FNBP1L: variants seen among roughly 807,000 people sequenced by gnomAD.
FNBP1L encodes the protein formin-binding protein 1-like.
FNBP1L carries 36 observed loss-of-function variants against 91.2 expected under a neutral mutation model. The ratio of observed to expected loss-of-function variants is 0.39; its 90% CI spans 0.30 to 0.52. The LOEUF (loss-of-function observed/expected upper bound fraction) is 0.52, where lower values mean the gene tolerates loss of function less well. FNBP1L is among the 20% of genes least tolerant of loss of function. The pLI is 0.66. For missense variants in FNBP1L, 571 were observed against 732.1 expected, an observed-to-expected ratio of 0.78 and a Z score of 2.54; for synonymous variants, 242 against 237.0, an observed-to-expected ratio of 1.02 and a Z score of -0.19.
chr1:93,524,434 A>T, intron 5 of FNBP1L, 111 bp downstream of exon 5: 1 of 689,286 alleles, frequency 1.5e-6, no homozygotes, highest in Non-Finnish European at 2.2e-6. Flanking sequence ...TGTATTATTA[A>T]TAATTTGACA....
chr1:93,495,642 T>A (rs1364714207), intron 1 of FNBP1L, among the ~76,000 whole-genome samples: 2 of 152,240 alleles, frequency 1.3e-5, no homozygotes, highest in Non-Finnish European at 2.9e-5. Flanking sequence ...TCTGGCTGTT[T>A]CAAATTTGTT....
chr1:93,465,192 T>C (rs1168490022), intron 1 of FNBP1L, among the ~76,000 whole-genome samples: 1 of 18,322 alleles, frequency 5.5e-5, no homozygotes, highest in East Asian at 2.0e-3. Flanking sequence ...TGTCTCTTTT[T>C]TGGGGGGGGG....
chr1:93,511,882 C>T (rs1260742418), intron 2 of FNBP1L, among the ~76,000 whole-genome samples: 5 of 141,186 alleles, frequency 3.5e-5, no homozygotes, highest in Admixed American at 7.6e-5. Context: ...AGGAGAATGG[C>T]GTGAACCCGG....
At chr1:93,465,174 A>G (rs1669028125) in intron 1 of FNBP1L, among the ~76,000 whole-genome samples, 1 of 120,758 alleles carries the variant, frequency 8.3e-6, no homozygotes, top group Non-Finnish European at 1.7e-5. Context: ...TTTCAGTGTC[A>G]TGAGGGTTGT....
rs561709541 is a variant in FNBP1L at position 93,514,677 on chromosome 1, C to G, written c.141-7405C>G. 1.6e-4 allele frequency among the ~76,000 whole-genome samples: 25 copies of G among 152,198 alleles called. No individual in the cohort carries two copies. The East Asian group carries it at 4.6e-3, about 28-fold the overall frequency. ...AAACAAGCATTGGGGAAAGGATTCC[C>G]TATTTAATAAATGGTGCTGGGAAAA... On this transcript the variant is annotated intron_variant, in intron 2 of 16. Transcript: ENST00000271234.
At chr1:93,530,942 C>T in intron 7 of FNBP1L, 59 bp downstream of exon 7, 3 of 1,355,996 alleles carry the variant, frequency 2.2e-6, no homozygotes, top group Non-Finnish European at 3.0e-6. Context: ...AAATATAAAA[C>T]TTGTAAGTCT....
intron 5 of FNBP1L, among the ~76,000 whole-genome samples, chr1:93,526,796 A>G (rs1379700679): frequency 1.3e-5 from 2 of 152,128 alleles, no homozygotes; most frequent in African/African-American, 4.8e-5. Flanking sequence ...TTATTGTACT[A>G]CTAGTTCTTT....
chr1:93,507,414 G>A (rs1467950612), intron 2 of FNBP1L, among the ~76,000 whole-genome samples: 2 of 152,024 alleles, frequency 1.3e-5, no homozygotes, highest in Non-Finnish European at 2.9e-5. Context: ...TAGATGAATT[G>A]TCTAAAATAT....
chr1:93,453,668 G>T (rs1245997618), intron 1 of FNBP1L, among the ~76,000 whole-genome samples: 2 of 152,024 alleles, frequency 1.3e-5, no homozygotes, highest in Non-Finnish European at 2.9e-5. Flanking sequence ...TCTGTCTTGG[G>T]GAATATATCT....
chr1:93,485,022 A>G (rs1669850395), intron 1 of FNBP1L, among the ~76,000 whole-genome samples: 1 of 152,162 alleles, frequency 6.6e-6, no homozygotes, highest in Non-Finnish European at 1.5e-5. Context: ...ATAGTGGCAC[A>G]TACCTGTAGT....
intron 2 of FNBP1L, among the ~76,000 whole-genome samples, chr1:93,510,376 A>G (rs1670788617): frequency 6.6e-6 from 1 of 152,126 alleles, no homozygotes; most frequent in Non-Finnish European, 1.5e-5. Flanking sequence ...TGGGTACTCC[A>G]ACAGACCTGC....
chr1:93,462,081 G>A (rs149305769), intron 1 of FNBP1L, among the ~76,000 whole-genome samples: 7 of 152,280 alleles, frequency 4.6e-5, no homozygotes, highest in South Asian at 2.1e-4. Context: ...CCTGACTCAA[G>A]ACAGATGAGA....
At chr1:93,473,007 TTGC>T (rs899616665) in intron 1 of FNBP1L, among the ~76,000 whole-genome samples, 49 of 152,222 alleles carry the variant, frequency 3.2e-4, no homozygotes, top group Admixed American at 2.7e-3. Flanking sequence ...CATTTTGCAC[TTGC>T]TGCTAGAAAA....
chr1:93,484,283 C>G (rs1238733760), intron 1 of FNBP1L, among the ~76,000 whole-genome samples: 4 of 152,146 alleles, frequency 2.6e-5, no homozygotes, highest in African/African-American at 9.7e-5. Context: ...AGAGACTGAT[C>G]TTTGAAGTCT....
intron 16 of FNBP1L, chr1:93,551,327 T>C: frequency 1.6e-6 from 2 of 1,216,834 alleles, no homozygotes; most frequent in Non-Finnish European, 2.1e-6. Flanking sequence ...GTAACGTTGG[T>C]GTGAAGCTTA....
At chr1:93,530,641 T>C in intron 6 of FNBP1L, 114 bp from the exon 7 acceptor site, 2 of 1,083,858 alleles carry the variant, frequency 1.8e-6, no homozygotes, top group Non-Finnish European at 2.6e-6. Flanking sequence ...CATTATTCTT[T>C]TGATGTCAGG....
intron 1 of FNBP1L, among the ~76,000 whole-genome samples, chr1:93,476,276 C>T (rs1669492076): frequency 6.6e-6 from 1 of 152,136 alleles, no homozygotes; most frequent in Non-Finnish European, 1.5e-5. Context: ...TTCTTTGTAT[C>T]TTCCATCTAG....
At chr1:93,450,426 A>G (rs1668455453) in intron 1 of FNBP1L, among the ~76,000 whole-genome samples, 1 of 152,214 alleles carries the variant, frequency 6.6e-6, no homozygotes. Flanking sequence ...TGAGGGAAAC[A>G]TTTATTAGAA....
chr1:93,499,375 A>G (rs748417070), intron 1 of FNBP1L, 93 bp from the exon 2 acceptor site: 6 of 801,518 alleles, frequency 7.5e-6, no homozygotes, highest in Admixed American at 2.6e-5. Flanking sequence ...TTTATACCTC[A>G]TTGCTTCTCT....
Sources: gnomAD v4.1 joint callset for allele counts (sites outside exome capture counted in the v4.1 genomes callset) on GRCh38, gnomAD v4.1.1 for gene constraint, MANE v1.5 for transcripts, NCBI Gene and HGNC (gene_info 2026-07-23, HGNC 2026-07-21) for gene names.